The following FNBP1 variants were observed in gnomAD, a reference collection of about 807,000 sequenced individuals.
FNBP1 encodes the protein formin-binding protein 1.
In FNBP1, 26 loss-of-function variants were observed where a neutral mutation model predicts 90.6. The ratio of observed to expected loss-of-function variants is 0.29; its 90% CI spans 0.21 to 0.40. The LOEUF (loss-of-function observed/expected upper bound fraction) is 0.40. Ranked by LOEUF, FNBP1 falls within the 10% of genes least tolerant of loss-of-function variation. FNBP1 has a pLI of 1.00. For missense variants in FNBP1, 635 were observed against 768.0 expected (o/e 0.83, Z 2.05); for synonymous variants, 260 against 265.2 (o/e 0.98, Z 0.19).
intron 15 of FNBP1, among the ~76,000 whole-genome samples, chr9:129,896,882 C>T (rs1307605846): frequency 6.6e-6 from 1 of 152,224 alleles, no homozygotes; most frequent in Admixed American, 6.5e-5. Context: ...CCACCCGCCT[C>T]GGCCTCCCAA....
chr9:130,046,742 A>G (rs2060062714), upstream of FNBP1, among the ~76,000 whole-genome samples: 1 of 146,500 alleles, frequency 6.8e-6, no homozygotes, highest in Non-Finnish European at 1.5e-5. Flanking sequence ...CACTCCAGCC[A>G]CTGTACTCCG....
chr9:130,033,363 C>T (rs574884894), intron 1 of FNBP1, among the ~76,000 whole-genome samples: 64 of 152,324 alleles, frequency 4.2e-4, no homozygotes, highest in African/African-American at 1.5e-3. Context: ...GGAGCACCCA[C>T]ACCGTTTGTC....
chr9:129,974,145 G>C (rs906286834), intron 4 of FNBP1, among the ~76,000 whole-genome samples: 1 of 151,320 alleles, frequency 6.6e-6, no homozygotes, highest in African/African-American at 2.4e-5. Flanking sequence ...TCTAAGACTA[G>C]CTGCAGATGA....
At chr9:129,920,474 G>A (rs903816473) in intron 10 of FNBP1, among the ~76,000 whole-genome samples, 9 of 151,964 alleles carry the variant, frequency 5.9e-5, no homozygotes, top group African/African-American at 1.9e-4. Flanking sequence ...GCTAATTTTT[G>A]TATTTTTAGT....
At chr9:129,902,625 C>T (rs903404048) in intron 13 of FNBP1, among the ~76,000 whole-genome samples, 16 of 152,040 alleles carry the variant, frequency 1.1e-4, no homozygotes, top group African/African-American at 3.4e-4. Flanking sequence ...AACCCCGCAC[C>T]GTATACAGAT....
At chr9:129,965,683 A>AACAC (rs202187436) in intron 4 of FNBP1, among the ~76,000 whole-genome samples, 3 of 9,922 alleles carry the variant, frequency 3.0e-4, no homozygotes, top group African/African-American at 3.4e-4. Flanking sequence ...TCTCTCTTAA[A>AACAC]ACACACACAC....
At chr9:129,989,077 C>G (rs75530048) in intron 2 of FNBP1, among the ~76,000 whole-genome samples, 17,479 of 152,202 alleles carry the variant, frequency 0.11, 1,083 homozygotes, top group Middle Eastern at 0.18. Context: ...TCTCTCCCCC[C>G]ACATCCTTAC....
intron 2 of FNBP1, among the ~76,000 whole-genome samples, chr9:129,992,141 G>A (rs1035548034): frequency 6.6e-6 from 1 of 152,190 alleles, no homozygotes; most frequent in African/African-American, 2.4e-5. Flanking sequence ...AGAAGCAGAT[G>A]CTGGGCACAG....
rs925813228 is a variant in FNBP1, at chr9:129,890,486, G to A, written c.*53C>T. 29 of 1,524,892 alleles carry A rather than the reference G, an allele frequency of 1.9e-5. No homozygotes were observed. Among genetic ancestry groups the A allele is most frequent in the Middle Eastern group, 3.8e-4 (2 of 5,318 alleles). 94.5% of individuals were successfully genotyped at this position (1,524,892 alleles called of 1,614,324 possible). On this transcript the variant is annotated 3_prime_UTR_variant, in exon 17 of 17. Coordinates refer to ENST00000446176, the MANE Select transcript of FNBP1 (RefSeq NM_015033.3). The surrounding 1 kb of genome is among the most constrained non-coding windows in gnomAD (Gnocchi z 5.8). ...GGGCGCTGGAGGCCTGTGGGAACAA[G>A]CAGACGGAGGCTCCTCCAGGAAGGC...
chr9:129,947,086 C>T (rs983229006), intron 6 of FNBP1, among the ~76,000 whole-genome samples: 9 of 152,152 alleles, frequency 5.9e-5, no homozygotes, highest in Admixed American at 2.0e-4. Context: ...CACCAGAATG[C>T]CATTCAAGAG....
chr9:129,989,577 G>T (rs1361674084), intron 2 of FNBP1, among the ~76,000 whole-genome samples: 7 of 152,172 alleles, frequency 4.6e-5, no homozygotes, highest in Non-Finnish European at 5.9e-5. Context: ...TAAGGGGCTT[G>T]CATTCTAGCT....
chr9:129,897,776 T>G (rs1172353222), intron 15 of FNBP1, among the ~76,000 whole-genome samples: 1 of 151,686 alleles, frequency 6.6e-6, no homozygotes, highest in Non-Finnish European at 1.5e-5. Flanking sequence ...TTATTAACGC[T>G]CTGCAGGACA....
At chr9:130,047,035 G>C (rs1055036589), upstream of FNBP1, among the ~76,000 whole-genome samples, 1 of 152,040 alleles carries the variant, frequency 6.6e-6, no homozygotes, top group African/African-American at 2.4e-5. Flanking sequence ...TGGGGTGGGG[G>C]GCAGTCTTGA....
chr9:129,994,305 G>C (rs2053656926), intron 2 of FNBP1, among the ~76,000 whole-genome samples: 1 of 152,098 alleles, frequency 6.6e-6, no homozygotes. Flanking sequence ...AAAGAAGCCA[G>C]ATACACAAGA....
the FNBP1 span, among the ~76,000 whole-genome samples, chr9:130,050,662 A>T: frequency 0.95 from 139,811 of 147,368 alleles, 66,453 homozygotes; most frequent in Non-Finnish European, 0.98. Context: ...TTTTTTTTTT[A>T]TTTGACAGGG....
In FNBP1 at chr9:129,925,101, A is replaced by C. The variant is rs200780992; in HGVS notation, c.846T>G (p.Ile282Met). ...YKSGFEPPGD[I>M]EFEDYTQPMK... is the part of the protein sequence containing the mutation. ...TTGGCTGAGTGTAATCCTCAAATTC[A>C]ATGTCTCCAGGAGGCTCAAACCCTG... The change falls in exon 9 of 17, where the codon ATT becomes ATG. Residue 282 changes from isoleucine to methionine, a missense_variant. Coordinates refer to ENST00000446176, the MANE Select transcript of FNBP1 (RefSeq NM_015033.3). 13 of 1,613,990 alleles carry C rather than the reference A, an allele frequency of 8.1e-6. No homozygotes were observed. The Admixed American group carries it at 1.3e-4, about 17-fold the overall frequency.
chr9:129,983,674 G>A (rs2051667627), intron 2 of FNBP1, among the ~76,000 whole-genome samples: 1 of 152,092 alleles, frequency 6.6e-6, no homozygotes. Flanking sequence ...AGCTGGGAGT[G>A]GTGGCACATA....
At chr9:130,003,841 G>A (rs962519185) in intron 1 of FNBP1, among the ~76,000 whole-genome samples, 3 of 147,456 alleles carry the variant, frequency 2.0e-5, no homozygotes, top group African/African-American at 2.5e-5. Flanking sequence ...GGAGAATGGC[G>A]TGAACCCGGG....
intron 1 of FNBP1, among the ~76,000 whole-genome samples, chr9:130,005,062 C>CAAAAAAAAAAAA (rs573686773): frequency 1.1e-5 from 1 of 92,790 alleles, no homozygotes; most frequent in African/African-American, 4.3e-5. Flanking sequence ...AAGACTGTCT[C>CAAAAAAAAAAAA]AAAAAAAAAA....
Sources: allele counts gnomAD v4.1 joint callset (sites outside exome capture counted in the v4.1 genomes callset), GRCh38; gene constraint gnomAD v4.1.1; non-coding constraint Gnocchi (gnomAD v3.1); transcripts MANE v1.5; gene names NCBI Gene and HGNC (gene_info 2026-07-23, HGNC 2026-07-21).